Variants in RPTOR observed in about 807,000 individuals in gnomAD.
The protein encoded by RPTOR is regulatory-associated protein of mTOR.
RPTOR carries 21 observed loss-of-function variants against 169.9 expected under a neutral mutation model. The ratio of observed to expected loss-of-function variants is 0.12; its 90% CI spans 0.09 to 0.18. The LOEUF (loss-of-function observed/expected upper bound fraction) is 0.18, where lower values mean the gene tolerates loss of function less well. Among genes scored for constraint, RPTOR ranks in the 10% least tolerant of loss-of-function variants. The pLI is 1.00. For missense variants in RPTOR, 1,133 were observed against 1,855.9 expected, an observed-to-expected ratio of 0.61 and a Z score of 7.16; for synonymous variants, 732 against 753.2, an observed-to-expected ratio of 0.97 and a Z score of 0.46.
chr17:80,927,692 T>C (rs992653573), intron 24 of RPTOR, among the ~76,000 whole-genome samples: 1 of 149,984 alleles, frequency 6.7e-6, no homozygotes, highest in African/African-American at 2.5e-5. Context: ...TGTATCTCTG[T>C]ATGTGTGTAT....
chr17:80,741,879 C>T (rs11869898), intron 5 of RPTOR, among the ~76,000 whole-genome samples: 5,235 of 152,116 alleles, frequency 0.034, 308 homozygotes, highest in African/African-American at 0.12. Context: ...ACTGACAGAC[C>T]AGACCAGAGA....
rs906770688 is a variant in RPTOR at position 80,651,770 on chromosome 17, C to T, written c.348+7960C>T. Reference sequence around the variant, plus strand: ...CGGTGGCTCACGCCTGTAATCCCAGCACTTTGGGAGGCCGAGGCGGGTGGA... The same window carrying T: ...CGGTGGCTCACGCCTGTAATCCCAGTACTTTGGGAGGCCGAGGCGGGTGGA... On this transcript the variant is annotated intron_variant, in intron 3 of 33. Transcript: ENST00000306801. This position sits in a 1 kb window ranked among gnomAD's most constrained non-coding sequence, Gnocchi z 4.1. Among the ~76,000 whole-genome samples, 15 of 152,120 alleles carry T rather than the reference C, an allele frequency of 9.9e-5. No individual in the cohort carries two copies. The highest frequency in any genetic ancestry group is 2.6e-4 in the Admixed American group (4 of 15,276).
chr17:80,798,064 T>G (rs1356070667), intron 7 of RPTOR, among the ~76,000 whole-genome samples: 1 of 152,214 alleles, frequency 6.6e-6, no homozygotes, highest in Non-Finnish European at 1.5e-5. Flanking sequence ...GTGATGTTCT[T>G]GTGTGTCCCT....
At chr17:80,580,415 C>G (rs1047998896) in intron 1 of RPTOR, among the ~76,000 whole-genome samples, 1 of 152,208 alleles carries the variant, frequency 6.6e-6, no homozygotes, top group African/African-American at 2.4e-5. Context: ...TTTTTCCTGG[C>G]TCGGCTGCCA....
rs557467575 is a variant in RPTOR, at chr17:80,686,650, C to A, written c.349-21191C>A. ...GCGTATCCATCTCTTAGAAAGGGCT[C>A]TTCCTGGGAAGGCTGGAAAGAAAGG... On this transcript the variant is annotated intron_variant, in intron 3 of 33. Transcript: ENST00000306801. Among the ~76,000 whole-genome samples, 3 of 152,138 alleles carry A rather than the reference C, an allele frequency of 2.0e-5. No homozygotes were observed. The East Asian group carries it at 5.8e-4, about 29-fold the overall frequency.
At chr17:80,912,701 C>T (rs2068626929) in intron 21 of RPTOR, among the ~76,000 whole-genome samples, 1 of 152,138 alleles carries the variant, frequency 6.6e-6, no homozygotes, top group Non-Finnish European at 1.5e-5. Flanking sequence ...GGACGGCCCG[C>T]CCCCCTCTCC....
chr17:80,891,601 C>G (rs2068324869), intron 17 of RPTOR, 119 bp from the exon 18 acceptor site: 7 of 702,268 alleles, frequency 1.0e-5, no homozygotes, highest in Non-Finnish European at 1.7e-5. Flanking sequence ...GTTTCTGATG[C>G]CAATTGCACG....
chr17:80,859,718 A>G (rs1166361034), intron 13 of RPTOR, among the ~76,000 whole-genome samples: 1 of 152,214 alleles, frequency 6.6e-6, no homozygotes, highest in Non-Finnish European at 1.5e-5. Flanking sequence ...TGCTGTGTGC[A>G]CGTGTGTGCG....
At position 80,863,976 on chromosome 17, in the gene RPTOR, GA is replaced by G. The variant is rs202242800; in HGVS notation, c.1509+6085del. 2.8e-4 allele frequency among the ~76,000 whole-genome samples: 42 copies of G among 151,582 alleles called. No individual in the cohort carries two copies. In the South Asian group the frequency reaches 6.9e-3, roughly 25 times the overall value. On this transcript the variant is annotated intron_variant, in intron 13 of 33. Transcript: ENST00000306801. The stretch of plus-strand genomic sequence containing the variant: ...ACAAAAATGAAGCATGGTAAGAAAA[GA>G]AAAAAAAATTTAATTAAAAGAATAT...
chr17:80,800,749 C>A (rs1397388999), intron 7 of RPTOR, among the ~76,000 whole-genome samples: 1 of 152,130 alleles, frequency 6.6e-6, no homozygotes, highest in Non-Finnish European at 1.5e-5. Context: ...TTAAACAGTG[C>A]TAGAAATATT....
At chr17:80,862,862 G>A (rs1202928392) in intron 13 of RPTOR, among the ~76,000 whole-genome samples, 1 of 152,192 alleles carries the variant, frequency 6.6e-6, no homozygotes, top group East Asian at 1.9e-4. Context: ...AGGTTCAGAG[G>A]TGCAGACAGA....
intron 32 of RPTOR, 127 bp downstream of exon 32, chr17:80,962,704 G>A: frequency 9.2e-7 from 1 of 1,088,626 alleles, no homozygotes; most frequent in Non-Finnish European, 1.3e-6. Flanking sequence ...CTGCTGTGGG[G>A]ACATAAAAAC....
chr17:80,718,116 C>CTT (rs1022506663), intron 4 of RPTOR, among the ~76,000 whole-genome samples: 7 of 152,194 alleles, frequency 4.6e-5, no homozygotes, highest in Admixed American at 3.9e-4. Flanking sequence ...AGCTACAAGG[C>CTT]TTTTCCCTGT....
chr17:80,839,709 TGGAAACCTTC>T (rs2067606410), intron 10 of RPTOR, among the ~76,000 whole-genome samples: 1 of 152,244 alleles, frequency 6.6e-6, no homozygotes, highest in Admixed American at 6.5e-5. Flanking sequence ...AACAGATATT[TGGAAACCTTC>T]GGGAAACTGG....
At chr17:80,718,098 A>T (rs2066254850) in intron 4 of RPTOR, among the ~76,000 whole-genome samples, 1 of 152,092 alleles carries the variant, frequency 6.6e-6, no homozygotes, top group Non-Finnish European at 1.5e-5. Flanking sequence ...CTGTGTACCT[A>T]GGCACAAAGC....
intron 11 of RPTOR, among the ~76,000 whole-genome samples, chr17:80,848,086 C>T (rs1450702369): frequency 6.6e-6 from 1 of 152,218 alleles, no homozygotes; most frequent in Non-Finnish European, 1.5e-5. Flanking sequence ...AGGAACAGTG[C>T]ACATGGACGT....
chr17:80,652,417 C>T (rs556360636), intron 3 of RPTOR, among the ~76,000 whole-genome samples: 53 of 152,284 alleles, frequency 3.5e-4, no homozygotes, highest in African/African-American at 1.1e-3. Flanking sequence ...TGGCCTTTTG[C>T]GTCTGGGCTC....
At chr17:80,572,039 T>C (rs999272100) in intron 1 of RPTOR, among the ~76,000 whole-genome samples, 5 of 152,262 alleles carry the variant, frequency 3.3e-5, no homozygotes, top group Non-Finnish European at 4.4e-5. Flanking sequence ...TAATATCTCA[T>C]TTCATGTGTA....
At chr17:80,835,301 T>G (rs1320448664) in intron 9 of RPTOR, among the ~76,000 whole-genome samples, 2 of 152,180 alleles carry the variant, frequency 1.3e-5, no homozygotes. Context: ...TTTTGGTCCT[T>G]TACTAAGACA....
Sources: gnomAD v4.1 joint callset for allele counts (sites outside exome capture counted in the v4.1 genomes callset) on GRCh38, gnomAD v4.1.1 for gene constraint, Gnocchi (gnomAD v3.1) non-coding constraint, MANE v1.5 for transcripts, NCBI Gene and HGNC (gene_info 2026-07-23, HGNC 2026-07-21) for gene names.